The following UBE3A variants were observed in gnomAD, a reference collection of about 807,000 sequenced individuals.
UBE3A encodes the protein ubiquitin protein ligase E3A, also known as ubiquitin-protein ligase E3A.
Under a neutral mutation model 83.4 loss-of-function variants are expected in UBE3A, and 6 were observed. That is an observed-to-expected ratio of 0.07 (90% CI 0.04 to 0.14). UBE3A has a LOEUF of 0.14. UBE3A is among the 10% of genes least tolerant of loss of function. UBE3A has a pLI of 1.00. For synonymous variants in UBE3A, 337 were observed against 355.4 expected (o/e 0.95, Z 0.58); for missense variants, 456 against 1,036.1 (o/e 0.44, Z 7.69).
intron 1 of UBE3A, among the ~76,000 whole-genome samples, chr15:25,428,339 T>C (rs1474839547): frequency 6.6e-6 from 1 of 151,764 alleles, no homozygotes; most frequent in Non-Finnish European, 1.5e-5. Flanking sequence ...TAACAAAGAG[T>C]AACAAAAAAT....
chr15:25,379,410 G>T (rs1043097352), intron 4 of UBE3A, among the ~76,000 whole-genome samples: 1 of 152,120 alleles, frequency 6.6e-6, no homozygotes, highest in South Asian at 2.1e-4. Flanking sequence ...TTAAGAGGAG[G>T]ATCTGAAAGT....
chr15:25,362,413 C>T (rs1379667554), intron 6 of UBE3A, among the ~76,000 whole-genome samples: 1 of 152,180 alleles, frequency 6.6e-6, no homozygotes, highest in Non-Finnish European at 1.5e-5. Flanking sequence ...TCTCACTTAC[C>T]ATAACTTTTA....
Position 25,370,895 on chromosome 15 carries a change from T to C in UBE3A, c.1279A>G (p.Thr427Ala). The part of the protein sequence containing the change: ...KKGPRVDPLE[T>A]ELGVKTLDCR... Reference sequence around the variant, plus strand: ...TCCAGGGTTTTAACACCAAGTTCAGTTTCCAGGGGGTCCACTCGAGGACCT... The same window carrying C: ...TCCAGGGTTTTAACACCAAGTTCAGCTTCCAGGGGGTCCACTCGAGGACCT... Residue 427 changes from threonine (T) to alanine (A), a missense_variant, in exon 6 of 13, where the codon ACT (threonine) becomes GCT (alanine). This residue lies in a region of UBE3A where 85 missense variants were observed against 137.0 expected (regional missense o/e 0.62). Transcript: ENST00000648336. The surrounding 1 kb of genome is among the most constrained non-coding windows in gnomAD (Gnocchi z 4.2). 6.2e-7 allele frequency: 1 copy of C among 1,614,108 alleles called. No individual in the cohort carries two copies. Among genetic ancestry groups the C allele is most frequent in the Non-Finnish European group, 8.5e-7 (1 of 1,180,004 alleles).
intron 7 of UBE3A, chr15:25,357,605 C>G (rs2077401431): frequency 6.6e-6 from 1 of 152,126 alleles, no homozygotes; most frequent in Non-Finnish European, 1.5e-5. Flanking sequence ...CTCAGCCTCC[C>G]AAAGTGCTGG....
intron 1 of UBE3A, chr15:25,418,770 CTG>C (rs1888233352): frequency 6.6e-6 from 1 of 152,082 alleles, no homozygotes; most frequent in Non-Finnish European, 1.5e-5. Flanking sequence ...CAATGTAACA[CTG>C]TCATTTTTTC....
At chr15:25,415,828 C>A (rs1175084223) in intron 1 of UBE3A, 1 of 134,096 alleles carries the variant, frequency 7.5e-6, no homozygotes, top group African/African-American at 2.7e-5. Context: ...GTTTTCTTGA[C>A]ACCATACCTC....
chr15:25,409,030 T>C, intron 3 of UBE3A, 58 bp downstream of exon 3: 1 of 1,516,786 alleles, frequency 6.6e-7, no homozygotes, highest in Non-Finnish European at 9.0e-7. Flanking sequence ...ATTTTTACAG[T>C]ATGTATTTCA....
chr15:25,400,889 G>T (rs1430887310), intron 4 of UBE3A, among the ~76,000 whole-genome samples: 1 of 152,170 alleles, frequency 6.6e-6, no homozygotes, highest in East Asian at 1.9e-4. Context: ...GATCTCAAAA[G>T]AAAAGCTTTT....
chr15:25,350,777 C>A (rs1459041047), intron 11 of UBE3A, among the ~76,000 whole-genome samples: 1 of 151,968 alleles, frequency 6.6e-6, no homozygotes, highest in African/African-American at 2.4e-5. Context: ...TAAATCAATG[C>A]AATAACATGG....
chr15:25,350,437 A>AT (rs759067192), intron 11 of UBE3A, among the ~76,000 whole-genome samples: 48 of 152,214 alleles, frequency 3.2e-4, no homozygotes, highest in Non-Finnish European at 6.3e-4. Flanking sequence ...CTGACCAAAG[A>AT]TAACTGAAAC....
chr15:25,349,022 C>T (rs889425344), intron 11 of UBE3A, among the ~76,000 whole-genome samples: 8 of 152,200 alleles, frequency 5.3e-5, no homozygotes, highest in African/African-American at 1.9e-4. Flanking sequence ...GTGGGACTCA[C>T]AGCATCTGAT....
intron 4 of UBE3A, among the ~76,000 whole-genome samples, chr15:25,396,786 A>T (rs905966847): frequency 2.7e-5 from 4 of 149,518 alleles, no homozygotes; most frequent in Non-Finnish European, 4.5e-5. Flanking sequence ...AGTATTAATA[A>T]TTTTTTTTTT....
chr15:25,338,942 G>A lies in UBE3A; in HGVS notation c.*195C>T. 7.4e-6 allele frequency: 3 copies of A among 405,624 alleles called. No homozygotes were observed. The highest frequency in any genetic ancestry group is 1.3e-5 in the Non-Finnish European group (3 of 237,164). The allele number at this position is 405,624 out of a possible 1,614,324, so 25.1% of individuals were successfully genotyped here. ...TTCATATATGTAGCTGAAATCTGCTGTTCCAGCCCACATGTCCCCAATAAA... is the reference window on the plus strand; with the variant it reads ...TTCATATATGTAGCTGAAATCTGCTATTCCAGCCCACATGTCCCCAATAAA... On this transcript the variant is annotated 3_prime_UTR_variant, in exon 13 of 13. Coordinates refer to ENST00000648336, the MANE Select transcript of UBE3A (RefSeq NM_130839.5).
At chr15:25,353,151 C>T (rs958459887) in intron 11 of UBE3A, among the ~76,000 whole-genome samples, 1 of 152,028 alleles carries the variant, frequency 6.6e-6, no homozygotes, top group Non-Finnish European at 1.5e-5. Context: ...CATGTTATCC[C>T]AACCCTTTAA....
chr15:25,351,769 G>T (rs2076542614), intron 11 of UBE3A, among the ~76,000 whole-genome samples: 1 of 152,290 alleles, frequency 6.6e-6, no homozygotes, highest in East Asian at 1.9e-4. Flanking sequence ...AGCTCTCCCT[G>T]ATTTCATTTC....
Position 25,371,171 on chromosome 15 carries a change from T to G in UBE3A, c.1003A>C (p.Arg335=). The change falls in exon 6 of 13, where the codon AGA becomes CGA. Residue 335 remains arginine (R), a synonymous_variant. Coordinates refer to ENST00000648336, the MANE Select transcript of UBE3A (RefSeq NM_130839.5). The surrounding 1 kb of genome is among the most constrained non-coding windows in gnomAD (Gnocchi z 5.3). ...WSKYNADQIR[R]MMETFQQLIT... ...AGTTGCTGAAATGTCTCCATCATTCTCCGAATCTGGTCTGCATTGTATTTA... is the reference window on the plus strand; with the variant it reads ...AGTTGCTGAAATGTCTCCATCATTCGCCGAATCTGGTCTGCATTGTATTTA... 1 of 1,614,192 alleles carries G rather than the reference T, an allele frequency of 6.2e-7. No homozygotes were observed. The highest frequency in any genetic ancestry group is 8.5e-7 in the Non-Finnish European group (1 of 1,180,036).
At chr15:25,347,510 G>A (rs2075868690) in intron 11 of UBE3A, among the ~76,000 whole-genome samples, 1 of 152,066 alleles carries the variant, frequency 6.6e-6, no homozygotes, top group Non-Finnish European at 1.5e-5. Flanking sequence ...GACCAGCCTG[G>A]CCAATATGGT....
chr15:25,427,140 A>G (rs189059478), intron 1 of UBE3A, among the ~76,000 whole-genome samples: 1 of 152,184 alleles, frequency 6.6e-6, no homozygotes, highest in Non-Finnish European at 1.5e-5. Flanking sequence ...TTATACATTC[A>G]GCACTTACAA....
At chr15:25,386,873 T>C (rs550756180) in intron 4 of UBE3A, among the ~76,000 whole-genome samples, 1 of 152,276 alleles carries the variant, frequency 6.6e-6, no homozygotes, top group East Asian at 1.9e-4. Flanking sequence ...AAGAAACACT[T>C]TCTCAGACAA....
Sources: gnomAD v4.1 joint callset for allele counts (sites outside exome capture counted in the v4.1 genomes callset) on GRCh38, gnomAD v4.1.1 for gene constraint, gnomAD v4.1.1 regional missense constraint, Gnocchi (gnomAD v3.1) non-coding constraint, MANE v1.5 for transcripts, NCBI Gene and HGNC (gene_info 2026-07-23, HGNC 2026-07-21) for gene names.